The following PTPRA variants were observed in gnomAD, a reference collection of about 807,000 sequenced individuals.
PTPRA encodes protein tyrosine phosphatase receptor type A, also known as receptor-type tyrosine-protein phosphatase alpha.
In PTPRA, 25 loss-of-function variants were observed where a neutral mutation model predicts 104.8. The observed-to-expected ratio is 0.24, with a 90% CI of 0.17 to 0.33. PTPRA has a LOEUF of 0.33. Ranked by LOEUF, PTPRA falls within the 10% of genes least tolerant of loss-of-function variation. PTPRA has a pLI of 1.00. For missense variants in PTPRA, 765 were observed against 1,015.3 expected, an observed-to-expected ratio of 0.75 and a Z score of 3.35; for synonymous variants, 323 against 368.9, an observed-to-expected ratio of 0.88 and a Z score of 1.43.
chr20:2,922,014 C>T (rs1439463376), intron 1 of PTPRA, among the ~76,000 whole-genome samples: 1 of 152,072 alleles, frequency 6.6e-6, no homozygotes, highest in African/African-American at 2.4e-5. Flanking sequence ...GGCCTCTATC[C>T]CCTAGATGCC....
At position 2,874,404 on chromosome 20, in the gene PTPRA, A is replaced by G. The variant is rs1173438229; in HGVS notation, c.-129+644A>G. On this transcript the variant is annotated intron_variant, in intron 1 of 23. Coordinates refer to ENST00000399903, the MANE Select transcript of PTPRA (RefSeq NM_001385305.1). Reference sequence around the variant, plus strand: ...ATCTCCTGAAGATTAAAAAAAAAAAATAGCAGAGCAGAGTCCTGTCTTGAG... The same window carrying G: ...ATCTCCTGAAGATTAAAAAAAAAAAGTAGCAGAGCAGAGTCCTGTCTTGAG... 3.3e-5 allele frequency among the ~76,000 whole-genome samples: 5 copies of G among 152,084 alleles called. No individual in the cohort carries two copies. In the South Asian group the frequency reaches 1.0e-3, roughly 32 times the overall value.
intron 6 of PTPRA, among the ~76,000 whole-genome samples, chr20:2,984,367 T>C (rs1453361689): frequency 2.0e-5 from 3 of 152,170 alleles, no homozygotes; most frequent in African/African-American, 7.2e-5. Context: ...CTCACCCATA[T>C]TCAACTGAAA....
chr20:2,979,036 G>C (rs566767447), intron 6 of PTPRA, among the ~76,000 whole-genome samples: 64 of 152,236 alleles, frequency 4.2e-4, no homozygotes, highest in Middle Eastern at 6.8e-3. Flanking sequence ...AACTCTAAAA[G>C]GTGGAGGGTG....
At chr20:2,874,857 A>G (rs562848605) in intron 1 of PTPRA, among the ~76,000 whole-genome samples, 18 of 152,090 alleles carry the variant, frequency 1.2e-4, no homozygotes, top group Admixed American at 9.2e-4. Context: ...GGATCCTCCA[A>G]TTCTCCTTCC....
rs1486464143 is a variant in PTPRA, at chr20:3,022,976, G to T, written c.1464+152G>T. The T allele has an allele frequency of 2.3e-6, 3 of 1,326,586 alleles. No individual in the cohort carries two copies. In the African/African-American group the frequency reaches 4.4e-5, roughly 20 times the overall value. The allele number at this position is 1,326,586 out of a possible 1,614,324, so 82.2% of individuals were successfully genotyped here. On this transcript the variant is annotated intron_variant, in intron 16 of 23. Coordinates refer to ENST00000399903, the MANE Select transcript of PTPRA (RefSeq NM_001385305.1). This position sits in a 1 kb window ranked among gnomAD's most constrained non-coding sequence, Gnocchi z 4.6. ...GAAAGATAGATCACACTGTTACCGT[G>T]TCTATGTAGAAAAAGGAAGACACGA...
At chr20:3,020,029 G>A (rs1300169904) in intron 13 of PTPRA, among the ~76,000 whole-genome samples, 1 of 150,388 alleles carries the variant, frequency 6.6e-6, no homozygotes, top group Non-Finnish European at 1.5e-5. Flanking sequence ...CAGCAGTACC[G>A]TCCAGCTTCG....
intron 6 of PTPRA, among the ~76,000 whole-genome samples, chr20:2,981,174 G>A (rs1028299541): frequency 6.6e-6 from 1 of 152,122 alleles, no homozygotes; most frequent in African/African-American, 2.4e-5. Context: ...GACACTCAGG[G>A]AAATTCAAGC....
At chr20:3,005,735 C>G (rs1365331045) in intron 10 of PTPRA, among the ~76,000 whole-genome samples, 5 of 152,088 alleles carry the variant, frequency 3.3e-5, no homozygotes, top group Non-Finnish European at 7.4e-5. Context: ...AACAGCTTCA[C>G]TAGGATCAGG....
chr20:3,000,043 T>C (rs1317224767), intron 9 of PTPRA, among the ~76,000 whole-genome samples: 1 of 152,040 alleles, frequency 6.6e-6, no homozygotes, highest in African/African-American at 2.4e-5. Context: ...CCCAGCACTT[T>C]GGGAGGCTGA....
chr20:3,038,202 T>C lies in PTPRA; in HGVS notation c.*69T>C. 2 of 1,422,702 alleles carry C rather than the reference T, an allele frequency of 1.4e-6. No homozygotes were observed. Among genetic ancestry groups the C allele is most frequent in the East Asian group, 2.3e-5 (1 of 43,868 alleles). The allele number at this position is 1,422,702 out of a possible 1,614,324, so 88.1% of individuals were successfully genotyped here. On this transcript the variant is annotated 3_prime_UTR_variant, in exon 24 of 24. Transcript: ENST00000399903. ...TTTGTAATATTCTGTTTTGTTAATA[T>C]ACCCCAAATTGTGTATATATCTTAT...
chr20:3,029,558 T>TTTTTTTTTTTTTTTGG (rs2065328932), intron 20 of PTPRA, among the ~76,000 whole-genome samples: 1 of 116,702 alleles, frequency 8.6e-6, no homozygotes. Context: ...TTTTTTTTTT[T>TTTTTTTTTTTTTTTGG]GAGACGGAGT....
intron 17 of PTPRA, 53 bp from the exon 18 acceptor site, chr20:3,026,634 G>T: frequency 7.0e-7 from 1 of 1,431,152 alleles, no homozygotes; most frequent in East Asian, 2.3e-5. Context: ...GCATAATCTT[G>T]TCAAGTTCAG....
chr20:2,872,660 C>A (rs551919753), upstream of PTPRA, among the ~76,000 whole-genome samples: 12 of 152,340 alleles, frequency 7.9e-5, no homozygotes, highest in South Asian at 2.5e-3. This position sits in a 1 kb window ranked among gnomAD's most constrained non-coding sequence, Gnocchi z 7.9. Flanking sequence ...CGTGTAGGAA[C>A]CTGCTGCCGC....
intron 9 of PTPRA, among the ~76,000 whole-genome samples, chr20:2,995,996 G>A (rs1253279850): frequency 6.6e-6 from 1 of 152,112 alleles, no homozygotes; most frequent in Non-Finnish European, 1.5e-5. Context: ...TTCCCATCCT[G>A]GCAATTGGTT....
At chr20:3,004,011 A>G (rs1459920485) in intron 9 of PTPRA, among the ~76,000 whole-genome samples, 2 of 152,110 alleles carry the variant, frequency 1.3e-5, no homozygotes, top group African/African-American at 4.8e-5. Context: ...TTCCAATTTT[A>G]TGTATTTATT....
In PTPRA at chr20:3,006,091, TCAAA is replaced by T. The variant is rs2063855945; in HGVS notation, c.829+948_829+951del. Among the ~76,000 whole-genome samples, 4 of 152,176 alleles carry T rather than the reference TCAAA, an allele frequency of 2.6e-5. No homozygotes were observed. In the South Asian group the frequency reaches 8.3e-4, roughly 32 times the overall value. On this transcript the variant is annotated intron_variant, in intron 10 of 23. Transcript: ENST00000399903. ...CTTGGCTGATCTCAAACTCCTGGCC[TCAAA>T]CAGTCCTCCTGCTTTGGTCTCCCAA... is the stretch of plus-strand genomic sequence containing the variant.
chr20:2,974,618 C>T (rs537552488), intron 5 of PTPRA, among the ~76,000 whole-genome samples: 4 of 152,104 alleles, frequency 2.6e-5, no homozygotes, highest in South Asian at 2.1e-4. Context: ...TTAGTAGAGA[C>T]GGGGTTTTAC....
At chr20:2,970,888 C>T (rs2062156788) in intron 5 of PTPRA, among the ~76,000 whole-genome samples, 1 of 151,910 alleles carries the variant, frequency 6.6e-6, no homozygotes, top group Non-Finnish European at 1.5e-5. Context: ...TCTGTTTTTC[C>T]CCAAATATCT....
chr20:3,029,797 G>A (rs895592807), intron 20 of PTPRA, among the ~76,000 whole-genome samples: 1 of 151,968 alleles, frequency 6.6e-6, no homozygotes, highest in Non-Finnish European at 1.5e-5. Context: ...CAAAGTGCTG[G>A]GATTACAGGC....
Sources: gnomAD v4.1 joint callset for allele counts (sites outside exome capture counted in the v4.1 genomes callset) on GRCh38, gnomAD v4.1.1 for gene constraint, Gnocchi (gnomAD v3.1) non-coding constraint, MANE v1.5 for transcripts, NCBI Gene and HGNC (gene_info 2026-07-23, HGNC 2026-07-21) for gene names.